The following ADGRD1 variants were observed in gnomAD, a reference collection of about 807,000 sequenced individuals.
ADGRD1 encodes the protein G-protein coupled receptor 133.
ADGRD1 carries 77 observed loss-of-function variants against 113.4 expected under a neutral mutation model. The observed-to-expected ratio is 0.68, with a 90% CI of 0.57 to 0.82. The LOEUF is 0.82. Among genes scored for constraint, ADGRD1 ranks in the 40% least tolerant of loss-of-function variants. The probability of loss-of-function intolerance (pLI) is 0.00; values close to 1 mark genes in which losing one functional copy is unlikely to be tolerated. For missense variants in ADGRD1, 1,036 were observed against 1,139.1 expected (o/e 0.91, Z 1.30); for synonymous variants, 474 against 475.0 (o/e 1.00, Z 0.03).
rs1357370387 is a variant in ADGRD1, at chr12:131,084,682, G to A, written c.1671+19G>A. 1 of 1,613,418 alleles carries A rather than the reference G, an allele frequency of 6.2e-7. No homozygotes were observed. Among genetic ancestry groups the A allele is most frequent in the South Asian group, 1.1e-5 (1 of 91,018 alleles). ...GCTGGAGGTAAGAGCCAGGCCTCAG[G>A]GGTCGCGGGACCTGGGGGACGTACC... On this transcript the variant is annotated intron_variant, in intron 15 of 24. Coordinates refer to ENST00000261654, the MANE Select transcript of ADGRD1 (RefSeq NM_198827.5). The surrounding 1 kb of genome is among the most constrained non-coding windows in gnomAD (Gnocchi z 4.5).
intron 15 of ADGRD1, among the ~76,000 whole-genome samples, chr12:131,100,295 T>C (rs1950040464): frequency 6.6e-6 from 1 of 151,450 alleles, no homozygotes; most frequent in East Asian, 1.9e-4. Flanking sequence ...GATGGTGGAA[T>C]TGGCTGGTAG....
At position 131,136,057 on chromosome 12, in the gene ADGRD1, C is replaced by T; in HGVS notation, c.2288C>T (p.Ala763Val). 6.2e-7 allele frequency: 1 copy of T among 1,614,162 alleles called. No homozygotes were observed. The highest frequency in any genetic ancestry group is 8.5e-7 in the Non-Finnish European group (1 of 1,179,978). The change falls in exon 22 of 25, where the codon GCC (alanine) becomes GTC (valine). Residue 763 changes from alanine (A) to valine (V), a missense_variant. Ala to Val is a moderately conservative substitution (Grantham distance 64). Transcript: ENST00000261654. ...TCCAGGTTGACAGCCAAGGCAGTGG[C>T]CGTGCTGCTGCCCATCCTGGGTACC... is the stretch of plus-strand genomic sequence containing the variant. ...SAFKLTAKAVAVLLPILGTSW... is the reference protein window; with the variant it reads ...SAFKLTAKAVVVLLPILGTSW...
chr12:131,069,846 A>G (rs188503093), intron 13 of ADGRD1: 3 of 152,332 alleles, frequency 2.0e-5, no homozygotes, highest in African/African-American at 7.2e-5. Context: ...ACTGTATAAA[A>G]ACGTTTTGAG....
At chr12:130,992,167 C>A in intron 7 of ADGRD1, 70 bp from the exon 8 acceptor site, 2 of 1,119,366 alleles carry the variant, frequency 1.8e-6, no homozygotes, top group Non-Finnish European at 2.6e-6. Flanking sequence ...CAGAGTAGGA[C>A]ACATTAAACT....
intron 14 of ADGRD1, among the ~76,000 whole-genome samples, chr12:131,082,901 G>C (rs1259657338): frequency 6.6e-6 from 1 of 152,204 alleles, no homozygotes; most frequent in Non-Finnish European, 1.5e-5. Context: ...ACTGCTGTCT[G>C]AGTCTCCATC....
chr12:131,045,306 G>A (rs894569795), intron 13 of ADGRD1, among the ~76,000 whole-genome samples: 1 of 152,252 alleles, frequency 6.6e-6, no homozygotes, highest in African/African-American at 2.4e-5. Context: ...CCGTAGGCGG[G>A]ACAGTGTTCG....
chr12:131,078,789 G>A (rs1340018400), intron 14 of ADGRD1, among the ~76,000 whole-genome samples: 2 of 152,066 alleles, frequency 1.3e-5, no homozygotes, highest in Admixed American at 6.5e-5. Context: ...TCAATTCCTA[G>A]AGGCAGCCAC....
intron 2 of ADGRD1, chr12:130,957,542 T>TA (rs1869799314): frequency 1.3e-5 from 2 of 152,248 alleles, no homozygotes; most frequent in Admixed American, 1.3e-4. Flanking sequence ...CATGTACACC[T>TA]ATTTACACAG....
At chr12:131,033,147 C>T (rs556676922) in intron 13 of ADGRD1, among the ~76,000 whole-genome samples, 8 of 152,220 alleles carry the variant, frequency 5.3e-5, no homozygotes, top group Admixed American at 2.6e-4. Flanking sequence ...GCCCACCCTC[C>T]GTGTGCAGAC....
intron 20 of ADGRD1, among the ~76,000 whole-genome samples, chr12:131,126,985 C>T (rs748003542): frequency 2.6e-5 from 4 of 152,056 alleles, no homozygotes; most frequent in Non-Finnish European, 4.4e-5. Context: ...CAGCCAAAGT[C>T]CCCCACCGCA....
chr12:131,055,524 TA>T (rs1161711762), intron 13 of ADGRD1, among the ~76,000 whole-genome samples: 2 of 152,340 alleles, frequency 1.3e-5, no homozygotes, highest in African/African-American at 4.8e-5. Context: ...TTTATCTCTG[TA>T]TGAGAGTCAC....
intron 20 of ADGRD1, among the ~76,000 whole-genome samples, chr12:131,122,369 T>G (rs1950619213): frequency 6.6e-6 from 1 of 152,022 alleles, no homozygotes; most frequent in South Asian, 2.1e-4. Context: ...GGGACGCCTT[T>G]GGGGCTGCGC....
intron 15 of ADGRD1, among the ~76,000 whole-genome samples, chr12:131,104,017 T>C (rs1441355860): frequency 6.6e-6 from 1 of 152,180 alleles, no homozygotes; most frequent in East Asian, 1.9e-4. Context: ...GTCTGGATTG[T>C]GCGGTCGGTG....
In ADGRD1 at chr12:131,111,826, T is replaced by A. The variant is rs145411787; in HGVS notation, c.2041+2949T>A. ...CTATTCTGTGTTTGATGAGACAGGG[T>A]CGTTATGCATTCCTTTACTTTTTCA... On this transcript the variant is annotated intron_variant, in intron 18 of 24. Transcript: ENST00000261654. Among the ~76,000 whole-genome samples, 1,231 of 152,300 alleles carry A rather than the reference T, an allele frequency of 8.1e-3. 4 individuals are homozygous for A. The highest frequency in any genetic ancestry group is 0.012 in the Non-Finnish European group (843 of 68,032).
At chr12:131,039,983 A>G (rs561396580) in intron 13 of ADGRD1, among the ~76,000 whole-genome samples, 2 of 152,308 alleles carry the variant, frequency 1.3e-5, no homozygotes, top group East Asian at 3.9e-4. Context: ...TTTTATGAAC[A>G]AAACAGACAC....
At position 130,954,806 on chromosome 12, in the gene ADGRD1, C is replaced by A; in HGVS notation, c.103+146C>A. 1.3e-6 allele frequency: 1 copy of A among 745,756 alleles called. No individual in the cohort carries two copies. Among genetic ancestry groups the A allele is most frequent in the Non-Finnish European group, 2.3e-6 (1 of 434,962 alleles). The allele number at this position is 745,756 out of a possible 1,614,324, so 46.2% of individuals were successfully genotyped here. A position where few individuals can be genotyped will look rare whatever the true frequency, so the allele number is the denominator to read the frequency against. On this transcript the variant is annotated intron_variant, in intron 2 of 24. Transcript: ENST00000261654. This position sits in a 1 kb window ranked among gnomAD's most constrained non-coding sequence, Gnocchi z 4.7. ...TCCCCGACCTCACTGCCTCACCACA[C>A]ACTGTGACCCTGGGCAGCTCTGCTA...
At chr12:131,051,883 G>A (rs908783508) in intron 13 of ADGRD1, among the ~76,000 whole-genome samples, 1 of 152,212 alleles carries the variant, frequency 6.6e-6, no homozygotes, top group Non-Finnish European at 1.5e-5. Flanking sequence ...GTGGAGAATT[G>A]AATTGAATTG....
At chr12:131,087,794 G>C (rs10848277) in intron 15 of ADGRD1, among the ~76,000 whole-genome samples, 42,262 of 152,188 alleles carry the variant, frequency 0.28, 7,504 homozygotes, top group East Asian at 0.67. Flanking sequence ...TCCATGTGGA[G>C]GTGGGCCCTT....
chr12:131,005,193 G>T (rs1876925648), intron 11 of ADGRD1, among the ~76,000 whole-genome samples: 1 of 152,160 alleles, frequency 6.6e-6, no homozygotes, highest in South Asian at 2.1e-4. Context: ...ATGATGTCAG[G>T]TGTGCCCTGC....
Sources: allele counts gnomAD v4.1 joint callset (sites outside exome capture counted in the v4.1 genomes callset), GRCh38; gene constraint gnomAD v4.1.1; non-coding constraint Gnocchi (gnomAD v3.1); transcripts MANE v1.5; gene names NCBI Gene and HGNC (gene_info 2026-07-23, HGNC 2026-07-21).